SUGCT: variants seen among roughly 807,000 people sequenced by gnomAD.
SUGCT encodes succinyl-CoA:glutarate-CoA transferase, also known as succinyl-CoA:glutarate CoA-transferase.
Under a neutral mutation model 55.0 loss-of-function variants are expected in SUGCT, and 41 were observed. That is an observed-to-expected ratio of 0.74 (90% CI 0.58 to 0.97). The LOEUF (loss-of-function observed/expected upper bound fraction) is 0.97. Ranked by LOEUF, SUGCT falls within the 50% of genes least tolerant of loss-of-function variation. SUGCT has a pLI of 0.00. For missense variants in SUGCT, 568 were observed against 547.8 expected, an observed-to-expected ratio of 1.04 and a Z score of -0.37; for synonymous variants, 187 against 200.4, an observed-to-expected ratio of 0.93 and a Z score of 0.56.
chr7:40,818,074 G>T (rs1257147867), intron 13 of SUGCT, among the ~76,000 whole-genome samples: 1 of 152,164 alleles, frequency 6.6e-6, no homozygotes, highest in Non-Finnish European at 1.5e-5. Flanking sequence ...TGAGAGAATA[G>T]GAACCAAGGA....
Position 40,172,313 on chromosome 7 carries a change from G to A in SUGCT, c.101-8634G>A, listed in dbSNP as rs1973397. On this transcript the variant is annotated intron_variant, in intron 1 of 13. Transcript: ENST00000335693. Reference sequence around the variant, plus strand: ...AATCCTAGCCATTTACAAACTTGGGGTCCTGGCAAGGGTGGTGGGAAACGG... The same window carrying A: ...AATCCTAGCCATTTACAAACTTGGGATCCTGGCAAGGGTGGTGGGAAACGG... Among the ~76,000 whole-genome samples, 376 of 152,216 alleles carry A rather than the reference G, an allele frequency of 2.5e-3. 2 individuals carry two copies. The highest frequency in any genetic ancestry group is 6.8e-3 in the Middle Eastern group (2 of 294).
intron 12 of SUGCT, among the ~76,000 whole-genome samples, chr7:40,512,327 T>C (rs1183032619): frequency 6.6e-6 from 1 of 152,188 alleles, no homozygotes; most frequent in East Asian, 1.9e-4. Flanking sequence ...CCAATATACA[T>C]ATCCCAGAGC....
At chr7:40,479,294 A>G (rs1007200545) in intron 11 of SUGCT, among the ~76,000 whole-genome samples, 8 of 152,160 alleles carry the variant, frequency 5.3e-5, no homozygotes, top group African/African-American at 1.2e-4. Context: ...AATGTAGCAT[A>G]GCGGTCCCAT....
the SUGCT span, among the ~76,000 whole-genome samples, chr7:40,930,874 C>T: frequency 2.5e-4 from 38 of 152,218 alleles, no homozygotes; most frequent in Middle Eastern, 6.8e-3. Context: ...CAAACAGGGA[C>T]GATTTGACTT....
intron 9 of SUGCT, among the ~76,000 whole-genome samples, chr7:40,343,677 G>T (rs1321105699): frequency 6.6e-5 from 10 of 151,092 alleles, no homozygotes; most frequent in African/African-American, 2.2e-4. Context: ...TTTTTTTTGA[G>T]ATGGAGTCTC....
At chr7:40,432,249 AT>A (rs1787930430) in intron 9 of SUGCT, among the ~76,000 whole-genome samples, 2 of 152,148 alleles carry the variant, frequency 1.3e-5, no homozygotes, top group South Asian at 4.1e-4. Flanking sequence ...CTGACATAGT[AT>A]TCTTGGTTAG....
intron 9 of SUGCT, among the ~76,000 whole-genome samples, chr7:40,441,041 G>T (rs1453373612): frequency 6.6e-6 from 1 of 151,746 alleles, no homozygotes; most frequent in Non-Finnish European, 1.5e-5. Flanking sequence ...GTGAATGTTT[G>T]ATTAGTGTCT....
chr7:40,623,735 TAC>T (rs775323095), intron 12 of SUGCT, among the ~76,000 whole-genome samples: 6 of 151,830 alleles, frequency 4.0e-5, no homozygotes, highest in Admixed American at 2.0e-4. Context: ...TACACACACA[TAC>T]ACACACACAC....
In SUGCT at chr7:40,772,420, A is replaced by G. The variant is rs149334047; in HGVS notation, c.1153+22923A>G. On this transcript the variant is annotated intron_variant, in intron 13 of 13. Coordinates refer to ENST00000335693, the MANE Select transcript of SUGCT (RefSeq NM_001193313.2). ...CTCACAAGCAATTCTTTAAATAACT[A>G]TGAGATTTTCCAGCATTCATCGTGA... 2.5e-3 allele frequency among the ~76,000 whole-genome samples: 382 copies of G among 152,270 alleles called. 2 individuals are homozygous for G. The highest frequency in any genetic ancestry group is 8.6e-3 in the African/African-American group (359 of 41,536).
intron 12 of SUGCT, among the ~76,000 whole-genome samples, chr7:40,672,412 C>A (rs749295535): frequency 6.6e-6 from 1 of 152,162 alleles, no homozygotes; most frequent in Non-Finnish European, 1.5e-5. Context: ...CCTGCAGTGA[C>A]TTGTATGGAT....
chr7:40,680,949 C>T (rs965075412), intron 12 of SUGCT, among the ~76,000 whole-genome samples: 2 of 152,100 alleles, frequency 1.3e-5, no homozygotes, highest in African/African-American at 2.4e-5. Context: ...ATTGTAAGTG[C>T]GAGCATGTTT....
At chr7:40,586,702 A>C (rs1487779289) in intron 12 of SUGCT, among the ~76,000 whole-genome samples, 1 of 152,196 alleles carries the variant, frequency 6.6e-6, no homozygotes, top group Non-Finnish European at 1.5e-5. Context: ...TACTAGTTTA[A>C]TCTTCACAAC....
intron 13 of SUGCT, among the ~76,000 whole-genome samples, chr7:40,811,292 C>T (rs1791401371): frequency 2.0e-5 from 3 of 151,914 alleles, no homozygotes; most frequent in Non-Finnish European, 4.4e-5. Flanking sequence ...TTTTTCTTCT[C>T]TTCTGTGAAA....
At chr7:40,317,076 C>T (rs954963886) in intron 9 of SUGCT, among the ~76,000 whole-genome samples, 1 of 148,404 alleles carries the variant, frequency 6.7e-6, no homozygotes, top group Non-Finnish European at 1.5e-5. Flanking sequence ...GACCCTTAAA[C>T]AGATCAAAGG....
intron 6 of SUGCT, among the ~76,000 whole-genome samples, chr7:40,232,726 A>G (rs1788787457): frequency 6.6e-6 from 1 of 152,238 alleles, no homozygotes; most frequent in Admixed American, 6.5e-5. Context: ...AAATGCCACA[A>G]GATGGCGAGG....
chr7:40,510,986 G>A (rs1792895906), intron 12 of SUGCT, among the ~76,000 whole-genome samples: 2 of 152,110 alleles, frequency 1.3e-5, no homozygotes, highest in Non-Finnish European at 1.5e-5. Flanking sequence ...TGGAGTTAGG[G>A]ATATCTGAAG....
chr7:40,952,525 G>T, the SUGCT span, among the ~76,000 whole-genome samples: 1 of 152,152 alleles, frequency 6.6e-6, no homozygotes, highest in African/African-American at 2.4e-5. Context: ...TTGCTCATTA[G>T]TTGATTCAGT....
chr7:40,602,013 T>C (rs529750784), intron 12 of SUGCT, among the ~76,000 whole-genome samples: 33 of 152,290 alleles, frequency 2.2e-4, no homozygotes, highest in African/African-American at 7.7e-4. Context: ...TCTTTCAAGT[T>C]TTTACCTTGG....
intron 12 of SUGCT, among the ~76,000 whole-genome samples, chr7:40,508,745 G>C (rs1792755545): frequency 6.6e-6 from 1 of 152,014 alleles, no homozygotes; most frequent in Non-Finnish European, 1.5e-5. Context: ...TTGCTGTTTT[G>C]CTAAGAAGAG....
Sources: allele counts gnomAD v4.1 joint callset (sites outside exome capture counted in the v4.1 genomes callset), GRCh38; gene constraint gnomAD v4.1.1; transcripts MANE v1.5; gene names NCBI Gene and HGNC (gene_info 2026-07-23, HGNC 2026-07-21).